Variants in GLI2 observed in about 807,000 individuals in gnomAD.
GLI2 encodes transcription activator GLI2.
In GLI2, 22 loss-of-function variants were observed where a neutral mutation model predicts 78.9. That is an observed-to-expected ratio of 0.28 (90% CI 0.20 to 0.40). GLI2 has a LOEUF of 0.40. Among genes scored for constraint, GLI2 ranks in the 10% least tolerant of loss-of-function variants. The pLI is 1.00. For synonymous variants in GLI2, 974 were observed against 963.7 expected, an observed-to-expected ratio of 1.01 and a Z score of -0.20; for missense variants, 2,097 against 2,213.2, an observed-to-expected ratio of 0.95 and a Z score of 1.05.
chr2:120,832,064 G>A (rs1686388905), intron 2 of GLI2, among the ~76,000 whole-genome samples: 1 of 152,212 alleles, frequency 6.6e-6, no homozygotes, highest in Non-Finnish European at 1.5e-5. Context: ...CATGGTACTT[G>A]CTTGGTGGAG....
chr2:120,851,490 C>G (rs1252314198), intron 2 of GLI2, among the ~76,000 whole-genome samples: 2 of 152,238 alleles, frequency 1.3e-5, no homozygotes, highest in Non-Finnish European at 2.9e-5. Context: ...GCAGCATGAC[C>G]AGGAAGGCTT....
intron 2 of GLI2, among the ~76,000 whole-genome samples, chr2:120,895,365 A>C (rs1242460181): frequency 6.6e-6 from 1 of 152,196 alleles, no homozygotes; most frequent in Non-Finnish European, 1.5e-5. Flanking sequence ...GAAGTGAAGT[A>C]GTCTCTCCTT....
chr2:120,940,212 G>A (rs1392344860), intron 3 of GLI2, among the ~76,000 whole-genome samples: 3 of 152,260 alleles, frequency 2.0e-5, no homozygotes, highest in South Asian at 2.1e-4. Context: ...CTCCCAGTTC[G>A]TGCCTGGTCT....
chr2:120,815,485 G>A (rs1573419838), intron 2 of GLI2, among the ~76,000 whole-genome samples: 1 of 152,212 alleles, frequency 6.6e-6, no homozygotes, highest in African/African-American at 2.4e-5. Flanking sequence ...ACCGATAGAG[G>A]GACTGTGCTG....
chr2:120,824,447 G>C (rs773517268), intron 2 of GLI2, among the ~76,000 whole-genome samples: 1 of 152,222 alleles, frequency 6.6e-6, no homozygotes, highest in African/African-American at 2.4e-5. Context: ...GGAAGCTGCT[G>C]ATCCTCAGGC....
chr2:120,906,962 C>T (rs936303167), intron 2 of GLI2, among the ~76,000 whole-genome samples: 3 of 152,156 alleles, frequency 2.0e-5, no homozygotes, highest in African/African-American at 4.8e-5. Flanking sequence ...AAGGTAAGAC[C>T]AGTGTCTTAA....
intron 3 of GLI2, among the ~76,000 whole-genome samples, chr2:120,936,548 C>T (rs1033590751): frequency 6.6e-6 from 1 of 152,180 alleles, no homozygotes; most frequent in Non-Finnish European, 1.5e-5. Context: ...CAGAGCTCTT[C>T]CCTATGCCGT....
chr2:120,931,723 A>G (rs1439329137), intron 3 of GLI2, among the ~76,000 whole-genome samples: 2 of 152,170 alleles, frequency 1.3e-5, no homozygotes, highest in African/African-American at 4.8e-5. Flanking sequence ...GCAGATGCAG[A>G]CATTGAGGCT....
intron 2 of GLI2, among the ~76,000 whole-genome samples, chr2:120,835,885 C>T (rs139118353): frequency 1.4e-4 from 21 of 152,120 alleles, no homozygotes; most frequent in African/African-American, 4.8e-4. Flanking sequence ...AATACATGTA[C>T]CTCCATGCAG....
At chr2:120,751,461 T>C (rs146792163) in intron 1 of GLI2, among the ~76,000 whole-genome samples, 11 of 152,362 alleles carry the variant, frequency 7.2e-5, no homozygotes, top group African/African-American at 1.4e-4. Flanking sequence ...GATTACTCTA[T>C]TTTGGACATA....
intron 1 of GLI2, among the ~76,000 whole-genome samples, chr2:120,794,061 C>G (rs1052755734): frequency 3.9e-5 from 6 of 152,212 alleles, no homozygotes; most frequent in African/African-American, 1.4e-4. Context: ...CCAGCTTGAG[C>G]TGGGCCTGGC....
chr2:120,790,358 C>T (rs1684112589), intron 1 of GLI2, among the ~76,000 whole-genome samples: 1 of 152,150 alleles, frequency 6.6e-6, no homozygotes, highest in South Asian at 2.1e-4. Flanking sequence ...GGTTATGGAG[C>T]CTGAGGGGCA....
intron 2 of GLI2, among the ~76,000 whole-genome samples, chr2:120,911,855 G>T (rs530991359): frequency 6.6e-6 from 1 of 152,164 alleles, no homozygotes; most frequent in South Asian, 2.1e-4. Context: ...TTCTAGGCAG[G>T]GTGGAGCCTA....
intron 2 of GLI2, among the ~76,000 whole-genome samples, chr2:120,878,729 C>T (rs938593652): frequency 3.3e-5 from 5 of 151,982 alleles, no homozygotes; most frequent in Non-Finnish European, 4.4e-5. Flanking sequence ...GTCAGGAGAT[C>T]GAGACCATCC....
chr2:120,888,489 A>G lies in GLI2; in HGVS notation c.149-38872A>G, dbSNP rs570597767. Among the ~76,000 whole-genome samples the G allele has an allele frequency of 3.7e-4, 57 of 152,250 alleles. No homozygotes were observed. The East Asian group carries it at 9.9e-3, about 26-fold the overall frequency. ...ATTTTCAGGGTGTTTTCTTCTCTTC[A>G]GACAGGAGAGACCCTGTGCAGTGTG... On this transcript the variant is annotated intron_variant, in intron 2 of 13. Transcript: ENST00000361492.
intron 1 of GLI2, among the ~76,000 whole-genome samples, chr2:120,764,503 G>C (rs1683311244): frequency 6.6e-6 from 1 of 152,210 alleles, no homozygotes; most frequent in South Asian, 2.1e-4. Flanking sequence ...TCCCTTACTT[G>C]AGTGGGAGTG....
intron 2 of GLI2, among the ~76,000 whole-genome samples, chr2:120,809,905 C>T (rs1048615485): frequency 1.3e-5 from 2 of 152,106 alleles, no homozygotes; most frequent in Non-Finnish European, 2.9e-5. Context: ...CAGATTACAT[C>T]CTCCTTGGAA....
intron 2 of GLI2, among the ~76,000 whole-genome samples, chr2:120,894,932 C>T (rs1677870565): frequency 6.6e-6 from 1 of 152,190 alleles, no homozygotes; most frequent in Non-Finnish European, 1.5e-5. Flanking sequence ...CTCCTGACCT[C>T]GTGATCTGCC....
At chr2:120,803,284 T>C (rs1199893535) in intron 2 of GLI2, among the ~76,000 whole-genome samples, 2 of 152,234 alleles carry the variant, frequency 1.3e-5, no homozygotes, top group East Asian at 3.8e-4. Context: ...CTCACTTTTC[T>C]CATCTATAAA....
Sources: gnomAD v4.1 joint callset for allele counts (sites outside exome capture counted in the v4.1 genomes callset) on GRCh38, gnomAD v4.1.1 for gene constraint, MANE v1.5 for transcripts, NCBI Gene and HGNC (gene_info 2026-07-23, HGNC 2026-07-21) for gene names.